Variants in KIAA1328 observed in about 807,000 individuals in gnomAD.
The protein encoded by KIAA1328 is KIAA1328, also known as protein hinderin.
In KIAA1328, 52 loss-of-function variants were observed where a neutral mutation model predicts 68.1. The ratio of observed to expected loss-of-function variants is 0.76; its 90% CI spans 0.61 to 0.96. The LOEUF is 0.96. Ranked by LOEUF, KIAA1328 falls within the 40% of genes least tolerant of loss-of-function variation. The pLI, the probability that KIAA1328 is intolerant of heterozygous loss-of-function variation, is 0.00. For synonymous variants in KIAA1328, 232 were observed against 239.4 expected, an observed-to-expected ratio of 0.97 and a Z score of 0.28; for missense variants, 641 against 677.6, an observed-to-expected ratio of 0.95 and a Z score of 0.60.
intron 4 of KIAA1328, among the ~76,000 whole-genome samples, chr18:36,878,560 G>T (rs970508055): frequency 1.3e-5 from 2 of 152,144 alleles, no homozygotes; most frequent in African/African-American, 4.8e-5. Context: ...ATGTTGGCCT[G>T]TCTTGCTAGG....
chr18:37,194,146 G>C (rs1007879972), intron 9 of KIAA1328, among the ~76,000 whole-genome samples: 2 of 152,152 alleles, frequency 1.3e-5, no homozygotes, highest in Admixed American at 6.5e-5. Context: ...ATGGAATTGT[G>C]GGTCATAGAT....
At chr18:37,130,298 T>A (rs987854446) in intron 7 of KIAA1328, among the ~76,000 whole-genome samples, 1 of 152,184 alleles carries the variant, frequency 6.6e-6, no homozygotes, top group Non-Finnish European at 1.5e-5. Context: ...ATTACTTACT[T>A]TTTAAATGAT....
At chr18:37,113,013 A>G (rs965111276) in intron 7 of KIAA1328, among the ~76,000 whole-genome samples, 1 of 152,204 alleles carries the variant, frequency 6.6e-6, no homozygotes, top group African/African-American at 2.4e-5. Context: ...ACTATGTGAA[A>G]AGACCAAATC....
intron 6 of KIAA1328, among the ~76,000 whole-genome samples, chr18:36,981,033 C>G (rs1352261105): frequency 6.6e-6 from 1 of 152,134 alleles, no homozygotes; most frequent in Non-Finnish European, 1.5e-5. Context: ...ACAAGGAAAA[C>G]TTAATTGGTG....
chr18:37,055,785 T>G (rs2151685517), intron 6 of KIAA1328, among the ~76,000 whole-genome samples: 1 of 152,320 alleles, frequency 6.6e-6, no homozygotes, highest in East Asian at 1.9e-4. Flanking sequence ...ATTTTGAAGT[T>G]ACAAAACTGA....
chr18:37,064,103 A>T (rs906395417), intron 6 of KIAA1328, among the ~76,000 whole-genome samples: 11 of 152,082 alleles, frequency 7.2e-5, no homozygotes, highest in Admixed American at 5.2e-4. Context: ...AAATAAATTA[A>T]TTTTTTTGTG....
chr18:36,955,913 G>C (rs1291358499), intron 5 of KIAA1328: 3 of 152,342 alleles, frequency 2.0e-5, no homozygotes, highest in Non-Finnish European at 4.4e-5. Flanking sequence ...AGTGGTGGGG[G>C]TGAACTCTGA....
At chr18:36,853,873 G>C (rs998509460) in intron 4 of KIAA1328, among the ~76,000 whole-genome samples, 8 of 152,216 alleles carry the variant, frequency 5.3e-5, no homozygotes, top group East Asian at 1.9e-4. Flanking sequence ...AGCCAGGCTG[G>C]TCTTGAACTC....
rs535189961 is a variant in KIAA1328 at position 37,052,036 on chromosome 18, C to T, written c.577-14854C>T. On this transcript the variant is annotated intron_variant, in intron 6 of 9. Transcript: ENST00000280020. ...TGGCCTAGGTGACACAGCAAGACTA[C>T]GTCTCAAAAAAAAAAAAACTACAGG... 2.9e-4 allele frequency among the ~76,000 whole-genome samples: 43 copies of T among 146,536 alleles called. 1 individual carries two copies. The highest frequency in any genetic ancestry group is 2.4e-3 in the South Asian group (11 of 4,666).
At position 37,173,034 on chromosome 18, in the gene KIAA1328, G is replaced by A; in HGVS notation, c.1476G>A (p.Lys492=). ...CTCCTATGCCAACAGGAAGCCTAAA[G>A]GATTTTGTCACCACAGCCTCACCAT... ...STSPMPTGSL[K]DFVTTASPSL... is the part of the protein sequence containing the mutation. Residue 492 remains lysine (K), a synonymous_variant, in exon 9 of 10, where the codon AAG becomes AAA. Transcript: ENST00000280020. 6.2e-7 allele frequency: 1 copy of A among 1,613,646 alleles called. No homozygotes were observed. Among genetic ancestry groups the A allele is most frequent in the South Asian group, 1.1e-5 (1 of 91,050 alleles).
intron 6 of KIAA1328, among the ~76,000 whole-genome samples, chr18:37,031,925 G>A (rs548632609): frequency 6.6e-6 from 1 of 152,252 alleles, no homozygotes; most frequent in African/African-American, 2.4e-5. Flanking sequence ...GCAGCACTTT[G>A]GGAGGCTGAG....
At chr18:37,221,941 C>T (rs1400657267) in intron 9 of KIAA1328, 76 bp from the exon 10 acceptor site, 3 of 1,411,926 alleles carry the variant, frequency 2.1e-6, no homozygotes, top group East Asian at 2.4e-5. Flanking sequence ...CCTGGACAGC[C>T]CATTTCTGCT....
intron 5 of KIAA1328, among the ~76,000 whole-genome samples, chr18:36,956,174 G>A (rs1441419166): frequency 6.6e-6 from 1 of 152,162 alleles, no homozygotes; most frequent in East Asian, 1.9e-4. Context: ...GCTAATTAAT[G>A]TGATAGTTAG....
At chr18:37,232,086 C>T (rs1050951821), downstream of KIAA1328, 1 of 152,174 alleles carries the variant, frequency 6.6e-6, no homozygotes, top group African/African-American at 2.4e-5. Flanking sequence ...GCATTTTTAA[C>T]TCGAGTGCTA....
chr18:36,917,840 A>G (rs1195048955), intron 5 of KIAA1328, among the ~76,000 whole-genome samples: 1 of 152,114 alleles, frequency 6.6e-6, no homozygotes, highest in Non-Finnish European at 1.5e-5. Flanking sequence ...CTCAGGATTG[A>G]CTGAGGCCTA....
intron 5 of KIAA1328, among the ~76,000 whole-genome samples, chr18:36,893,435 TTGTGTGTGTG>T (rs147453972): frequency 7.2e-6 from 1 of 139,616 alleles, no homozygotes; most frequent in Non-Finnish European, 1.5e-5. Flanking sequence ...ACCTGGCTAT[TTGTGTGTGTG>T]TGTGTGTGTG....
chr18:36,982,933 A>C (rs2052755963), intron 6 of KIAA1328, among the ~76,000 whole-genome samples: 1 of 152,002 alleles, frequency 6.6e-6, no homozygotes, highest in Admixed American at 6.6e-5. Flanking sequence ...AGGCTGTGAT[A>C]AGCTAAAGCT....
At chr18:37,212,560 AG>A (rs1222724203) in intron 9 of KIAA1328, among the ~76,000 whole-genome samples, 1 of 152,220 alleles carries the variant, frequency 6.6e-6, no homozygotes, top group Non-Finnish European at 1.5e-5. Context: ...TAAAGCATGA[AG>A]GGTAATAGTA....
At chr18:37,073,380 T>C (rs756685959) in intron 7 of KIAA1328, among the ~76,000 whole-genome samples, 3 of 152,132 alleles carry the variant, frequency 2.0e-5, no homozygotes, top group Non-Finnish European at 4.4e-5. Context: ...CAAAAGAAGA[T>C]ATTTATGTGG....
Sources: gnomAD v4.1 joint callset for allele counts (sites outside exome capture counted in the v4.1 genomes callset) on GRCh38, gnomAD v4.1.1 for gene constraint, MANE v1.5 for transcripts, NCBI Gene and HGNC (gene_info 2026-07-23, HGNC 2026-07-21) for gene names.